RHOBTB1: variants seen among roughly 807,000 people sequenced by gnomAD.
The protein encoded by RHOBTB1 is rho-related BTB domain-containing protein 1.
A neutral mutation model predicts 71.6 loss-of-function variants in RHOBTB1; 40 were observed. The ratio of observed to expected loss-of-function variants is 0.56; its 90% CI spans 0.43 to 0.73. The LOEUF is 0.73. RHOBTB1 is among the 30% of genes least tolerant of loss of function. RHOBTB1 has a pLI of 0.00. For synonymous variants in RHOBTB1, 319 were observed against 334.9 expected, an observed-to-expected ratio of 0.95 and a Z score of 0.52; for missense variants, 797 against 894.0, an observed-to-expected ratio of 0.89 and a Z score of 1.38.
chr10:60,983,268 T>C lies in RHOBTB1; in HGVS notation c.-62+2577A>G, dbSNP rs951000211. 2.6e-5 allele frequency among the ~76,000 whole-genome samples: 4 copies of C among 152,226 alleles called. No homozygotes were observed. The South Asian group carries it at 8.3e-4, about 31-fold the overall frequency. On this transcript the variant is annotated intron_variant, in intron 2 of 11. Coordinates refer to the RHOBTB1 transcript ENST00000357917. ...CTTAGGGCTATTCCAGTGAAAATGA[T>C]ATCTTCTTAGGAGACTATTGGTATT...
Sources: gnomAD v4.1 joint callset for allele counts (sites outside exome capture counted in the v4.1 genomes callset) on GRCh38, gnomAD v4.1.1 for gene constraint, MANE v1.5 for transcripts, NCBI Gene and HGNC (gene_info 2026-07-23, HGNC 2026-07-21) for gene names.